IFT52: variants seen among roughly 807,000 people sequenced by gnomAD.
The protein encoded by IFT52 is intraflagellar transport protein 52 homolog.
Under a neutral mutation model 54.4 loss-of-function variants are expected in IFT52, and 44 were observed. The ratio of observed to expected loss-of-function variants is 0.81; its 90% CI spans 0.63 to 1.04. The LOEUF is 1.04. IFT52 is among the 50% of genes least tolerant of loss of function. IFT52 has a pLI of 0.00. For missense variants in IFT52, 452 were observed against 523.6 expected, an observed-to-expected ratio of 0.86 and a Z score of 1.33; for synonymous variants, 181 against 185.3, an observed-to-expected ratio of 0.98 and a Z score of 0.19.
chr20:43,607,713 G>C (rs1358131739), intron 6 of IFT52, among the ~76,000 whole-genome samples: 3 of 151,862 alleles, frequency 2.0e-5, no homozygotes, highest in African/African-American at 7.2e-5. Flanking sequence ...TGGGCGGCCA[G>C]GCAGAGACGC....
intron 10 of IFT52, among the ~76,000 whole-genome samples, chr20:43,633,065 G>A (rs1027521715): frequency 3.9e-5 from 6 of 152,278 alleles, no homozygotes; most frequent in South Asian, 2.1e-4. Flanking sequence ...AAAATTGGCC[G>A]GGCTTGGTGG....
At chr20:43,596,630 A>G (rs993038667) in intron 3 of IFT52, 108 bp downstream of exon 3, 1 of 698,292 alleles carries the variant, frequency 1.4e-6, no homozygotes, top group South Asian at 1.7e-5. Context: ...GCCTTAAGGT[A>G]GTCACTTCAT....
intron 10 of IFT52, 40 bp from the exon 11 acceptor site, chr20:43,635,886 G>A (rs1985496088): frequency 6.4e-7 from 1 of 1,570,076 alleles, no homozygotes; most frequent in South Asian, 1.1e-5. Context: ...CTGAGCTATA[G>A]TGTCTTGATC....
chr20:43,621,306 C>T (rs1443921270), intron 9 of IFT52, among the ~76,000 whole-genome samples: 1 of 152,044 alleles, frequency 6.6e-6, no homozygotes, highest in African/African-American at 2.4e-5. Context: ...AATTTTGTTG[C>T]CTTTAGATTT....
chr20:43,607,938 A>G (rs923848814), intron 6 of IFT52, among the ~76,000 whole-genome samples: 2 of 152,180 alleles, frequency 1.3e-5, no homozygotes, highest in African/African-American at 4.8e-5. Context: ...CGCGGTTAGG[A>G]GCTGGAGACC....
chr20:43,604,984 T>C lies in IFT52; in HGVS notation c.414-18T>C. 6.2e-7 allele frequency: 1 copy of C among 1,612,246 alleles called. No homozygotes were observed. The highest frequency in any genetic ancestry group is 8.5e-7 in the Non-Finnish European group (1 of 1,178,826). ...CAAATTTTTTTTGTTTACTAGATTT[T>C]AATTTTTCTTCTTCAAGGGAAATTA... On this transcript the variant is annotated intron_variant, in intron 5 of 13. Coordinates refer to ENST00000373030, the MANE Select transcript of IFT52 (RefSeq NM_016004.5).
At chr20:43,603,435 A>C (rs1366394320) in intron 3 of IFT52, among the ~76,000 whole-genome samples, 5 of 152,196 alleles carry the variant, frequency 3.3e-5, no homozygotes, top group African/African-American at 1.2e-4. Context: ...GAAGGTAGGT[A>C]CAACTGGCAT....
chr20:43,623,755 T>C (rs966917103), intron 9 of IFT52, 136 bp from the exon 10 acceptor site: 5 of 964,632 alleles, frequency 5.2e-6, no homozygotes, highest in African/African-American at 1.6e-5. Flanking sequence ...TAAGGTTTAG[T>C]GTCAGTGATC....
chr20:43,636,134 T>C (rs1985526058), intron 11 of IFT52, 121 bp downstream of exon 11: 2 of 858,280 alleles, frequency 2.3e-6, no homozygotes, highest in East Asian at 5.2e-5. Context: ...GGAGTCATAG[T>C]GCTCTGTCTC....
At chr20:43,626,651 A>C (rs569491387) in intron 10 of IFT52, among the ~76,000 whole-genome samples, 1 of 151,320 alleles carries the variant, frequency 6.6e-6, no homozygotes, top group Non-Finnish European at 1.5e-5. Context: ...TTAACAATAG[A>C]TGATGTATGA....
At chr20:43,606,273 C>CT (rs1173335571) in intron 6 of IFT52, among the ~76,000 whole-genome samples, 6,717 of 134,928 alleles carry the variant, frequency 0.05, 255 homozygotes, top group Middle Eastern at 0.088. Context: ...AAATGAACAT[C>CT]TTTTTTTTTT....
intron 10 of IFT52, among the ~76,000 whole-genome samples, chr20:43,625,977 A>G (rs546983054): frequency 2.8e-5 from 4 of 142,050 alleles, no homozygotes; most frequent in Non-Finnish European, 6.0e-5. Flanking sequence ...TTAAGGCTGC[A>G]GTGACCCGCT....
intron 10 of IFT52, among the ~76,000 whole-genome samples, chr20:43,629,397 C>G (rs1171829593): frequency 6.6e-6 from 1 of 152,064 alleles, no homozygotes; most frequent in African/African-American, 2.4e-5. Context: ...CTCAGCCTCC[C>G]CAGTAGCTGG....
At chr20:43,605,323 GC>G in intron 6 of IFT52, 1 of 839,658 alleles carries the variant, frequency 1.2e-6, no homozygotes, top group Non-Finnish European at 1.6e-6. Flanking sequence ...GAGGTGGGTG[GC>G]CCACCTGAGG....
chr20:43,623,569 T>C (rs1984498467), intron 9 of IFT52, among the ~76,000 whole-genome samples: 1 of 152,218 alleles, frequency 6.6e-6, no homozygotes, highest in South Asian at 2.1e-4. Flanking sequence ...ATGTAGTTGA[T>C]TGCTGAGCGC....
chr20:43,641,918 C>G (rs1985948436), intron 12 of IFT52, among the ~76,000 whole-genome samples: 1 of 152,016 alleles, frequency 6.6e-6, no homozygotes, highest in South Asian at 2.1e-4. Context: ...CTCAGCCTCC[C>G]GAGTAGCTGG....
intron 12 of IFT52, among the ~76,000 whole-genome samples, chr20:43,638,681 A>C (rs1315299042): frequency 6.6e-6 from 1 of 152,224 alleles, no homozygotes; most frequent in Non-Finnish European, 1.5e-5. Flanking sequence ...TTTAATGTCC[A>C]CTAGCAGAGT....
At chr20:43,597,397 G>A (rs1982065888) in intron 3 of IFT52, among the ~76,000 whole-genome samples, 1 of 122,934 alleles carries the variant, frequency 8.1e-6, no homozygotes, top group South Asian at 2.7e-4. Context: ...AAGAAAATAG[G>A]AATTCATTTA....
At chr20:43,646,324 G>A (rs1250951798) in intron 13 of IFT52, among the ~76,000 whole-genome samples, 2 of 152,182 alleles carry the variant, frequency 1.3e-5, no homozygotes, top group African/African-American at 4.8e-5. Context: ...ATGCTGAGTG[G>A]AAAGACCAAT....
Sources: gnomAD v4.1 joint callset for allele counts (sites outside exome capture counted in the v4.1 genomes callset) on GRCh38, gnomAD v4.1.1 for gene constraint, MANE v1.5 for transcripts, NCBI Gene and HGNC (gene_info 2026-07-23, HGNC 2026-07-21) for gene names.